The following DYNC2I1 variants were observed in gnomAD, a reference collection of about 807,000 sequenced individuals.
The protein encoded by DYNC2I1 is dynein 2 intermediate chain 1.
Under a neutral mutation model 133.4 loss-of-function variants are expected in DYNC2I1, and 89 were observed. That is an observed-to-expected ratio of 0.67 (90% CI 0.56 to 0.80). The LOEUF (loss-of-function observed/expected upper bound fraction) is 0.80. Among genes scored for constraint, DYNC2I1 ranks in the 30% least tolerant of loss-of-function variants. DYNC2I1 has a pLI of 0.00. For synonymous variants in DYNC2I1, 504 were observed against 484.3 expected, an observed-to-expected ratio of 1.04 and a Z score of -0.54; for missense variants, 1,291 against 1,314.5, an observed-to-expected ratio of 0.98 and a Z score of 0.28.
Position 158,918,746 on chromosome 7 carries a change from G to GC in DYNC2I1, c.1800dup (p.Val601ArgfsTer11). 6.2e-7 allele frequency: 1 copy of GC among 1,613,706 alleles called. No individual in the cohort carries two copies. The highest frequency in any genetic ancestry group is 8.5e-7 in the Non-Finnish European group (1 of 1,179,756). ...ACTCACTTATGTCTGACAGGTGATG[G>GC]CCGTTTTGCTGGAAGAGGATCGCTT... On this transcript the variant is annotated frameshift_variant, in exon 15 of 25. Coordinates refer to ENST00000407559, the MANE Select transcript of DYNC2I1 (RefSeq NM_018051.5). LOFTEE classifies it high-confidence loss of function.
intron 8 of DYNC2I1, among the ~76,000 whole-genome samples, chr7:158,900,942 A>G (rs2129483451): frequency 6.6e-6 from 1 of 151,344 alleles, no homozygotes; most frequent in South Asian, 2.1e-4. Context: ...TAGACTTTCC[A>G]TCTCTCTGCT....
chr7:158,950,971 C>T (rs184443792), downstream of DYNC2I1, among the ~76,000 whole-genome samples: 75 of 152,152 alleles, frequency 4.9e-4, no homozygotes, highest in East Asian at 0.013. Flanking sequence ...GTGTGAGCAC[C>T]GTGCCTGGCC....
At chr7:158,946,911 G>A (rs1477809747), downstream of DYNC2I1, among the ~76,000 whole-genome samples, 1 of 152,194 alleles carries the variant, frequency 6.6e-6, no homozygotes, top group Non-Finnish European at 1.5e-5. Flanking sequence ...AAGGTGTCTG[G>A]GAGGGACCCA....
intron 23 of DYNC2I1, among the ~76,000 whole-genome samples, chr7:158,941,090 CTA>C (rs1319194760): frequency 6.6e-6 from 1 of 151,956 alleles, no homozygotes; most frequent in Non-Finnish European, 1.5e-5. Context: ...GCTAGAATAA[CTA>C]AGAAAAAAGA....
chr7:158,940,904 T>C (rs995884665), intron 23 of DYNC2I1, among the ~76,000 whole-genome samples: 2 of 152,090 alleles, frequency 1.3e-5, no homozygotes, highest in African/African-American at 4.8e-5. Context: ...ATAAACAATG[T>C]AACAATGCAC....
At chr7:158,929,523 G>A (rs564971815) in intron 20 of DYNC2I1, among the ~76,000 whole-genome samples, 28 of 152,306 alleles carry the variant, frequency 1.8e-4, no homozygotes, top group Admixed American at 5.2e-4. Flanking sequence ...GCCCACAGGC[G>A]GTGGCGTGGG....
intron 4 of DYNC2I1, among the ~76,000 whole-genome samples, chr7:158,955,660 C>T (rs534783619): frequency 1.3e-5 from 2 of 152,304 alleles, no homozygotes; most frequent in African/African-American, 4.8e-5. Context: ...GTTTGACCCT[C>T]GTGATGTTCT....
At chr7:158,902,692 G>A (rs1182441472) in intron 10 of DYNC2I1, 97 bp downstream of exon 10, 2 of 1,138,762 alleles carry the variant, frequency 1.8e-6, no homozygotes, top group Non-Finnish European at 1.3e-6. Flanking sequence ...CTCTAATAAG[G>A]TGGGTGGAGC....
chr7:158,869,343 C>T (rs954020038), intron 1 of DYNC2I1: 10 of 416,024 alleles, frequency 2.4e-5, no homozygotes, highest in African/African-American at 8.3e-5. Flanking sequence ...TGCTTCTCTT[C>T]CTCACAGGGA....
Position 158,945,776 on chromosome 7 carries a change from G to T in DYNC2I1, c.3198G>T (p.Lys1066Asn). Reference protein sequence around the residue: ...EALWPEGKLHK With the variant: ...EALWPEGKLHN ...TGTGGCCAGAGGGAAAACTGCACAA[G>T]TAGCGGGTGTGGCTGAGAGGACCGC... Residue 1066 changes from lysine to asparagine, a missense_variant, in exon 25 of 25, where the codon AAG becomes AAT. Transcript: ENST00000407559. The surrounding 1 kb of genome is among the most constrained non-coding windows in gnomAD (Gnocchi z 4.1). The T allele has an allele frequency of 6.4e-7, 1 of 1,551,934 alleles. No individual in the cohort carries two copies. Among genetic ancestry groups the T allele is most frequent in the Non-Finnish European group, 8.7e-7 (1 of 1,148,974 alleles).
chr7:158,887,938 A>T (rs1483472106), intron 7 of DYNC2I1, among the ~76,000 whole-genome samples: 1 of 151,964 alleles, frequency 6.6e-6, no homozygotes, highest in Non-Finnish European at 1.5e-5. Flanking sequence ...CATTAGGATC[A>T]TAAGAGTAGG....
At chr7:158,912,609 ATTAT>A (rs1254636302) in intron 12 of DYNC2I1, among the ~76,000 whole-genome samples, 1 of 152,114 alleles carries the variant, frequency 6.6e-6, no homozygotes, top group Non-Finnish European at 1.5e-5. Flanking sequence ...CCTTAAGTAG[ATTAT>A]TTATCTTTGG....
chr7:158,952,749 CAG>C (rs1400954816), intron 4 of DYNC2I1, among the ~76,000 whole-genome samples: 1 of 151,586 alleles, frequency 6.6e-6, no homozygotes, highest in Non-Finnish European at 1.5e-5. Context: ...ATTGTGTGGA[CAG>C]GGAGAAAAGG....
chr7:158,846,205 G>C, the DYNC2I1 span, among the ~76,000 whole-genome samples: 43 of 152,302 alleles, frequency 2.8e-4, no homozygotes, highest in African/African-American at 1.0e-3. Flanking sequence ...GTTGTAGTGA[G>C]CTGAGATTGC....
intron 20 of DYNC2I1, among the ~76,000 whole-genome samples, 183 bp downstream of exon 20, chr7:158,927,226 A>C (rs1218866807): frequency 6.6e-6 from 1 of 151,792 alleles, no homozygotes; most frequent in East Asian, 1.9e-4. Context: ...ACATAGCAAG[A>C]CCCCGTCTCT....
At chr7:158,856,875 C>G (rs1216867782) in intron 1 of DYNC2I1, 125 bp downstream of exon 1, 4 of 1,117,872 alleles carry the variant, frequency 3.6e-6, no homozygotes, top group African/African-American at 3.2e-5. Context: ...CGGGGCTTCC[C>G]GGAGGAGCCG....
the DYNC2I1 span, among the ~76,000 whole-genome samples, chr7:158,841,954 C>T: frequency 2.6e-5 from 4 of 152,132 alleles, no homozygotes; most frequent in African/African-American, 4.8e-5. Context: ...GCTCAGGATG[C>T]GGATCTTAAG....
Position 158,953,185 on chromosome 7 carries a change from CGCCCTCCTCTCCT to C in DYNC2I1, c.*57-3397_*57-3385del, listed in dbSNP as rs1563221834. Among the ~76,000 whole-genome samples, 6 of 127,362 alleles carry C rather than the reference CGCCCTCCTCTCCT, an allele frequency of 4.7e-5. No homozygotes were observed. The South Asian group carries it at 1.1e-3, about 24-fold the overall frequency. The allele number at this position is 127,362 out of a possible 152,430, so 83.6% of individuals were successfully genotyped here. On this transcript the variant is annotated intron_variant and NMD_transcript_variant, in intron 4 of 4. Coordinates refer to the DYNC2I1 transcript ENST00000454771. ...CACATGTGGCTGCTCCTACCCTCCT[CGCCCTCCTCTCCT>C]AAATTGAGTGACACTGAGATGACCC...
At chr7:158,841,212 TA>T in the DYNC2I1 span, among the ~76,000 whole-genome samples, 152 of 80,186 alleles carry the variant, frequency 1.9e-3, 7 homozygotes, top group Non-Finnish European at 2.3e-3. Context: ...TATATATATA[TA>T]TATATATATT....
Sources: gnomAD v4.1 joint callset for allele counts (sites outside exome capture counted in the v4.1 genomes callset) on GRCh38, gnomAD v4.1.1 for gene constraint, Gnocchi (gnomAD v3.1) non-coding constraint, MANE v1.5 for transcripts, NCBI Gene and HGNC (gene_info 2026-07-23, HGNC 2026-07-21) for gene names.